The following PRKG1 variants were observed in gnomAD, a reference collection of about 807,000 sequenced individuals.
PRKG1 encodes the protein cGMP-dependent protein kinase 1.
In PRKG1, 35 loss-of-function variants were observed where a neutral mutation model predicts 88.1. The ratio of observed to expected loss-of-function variants is 0.40; its 90% CI spans 0.30 to 0.53. The LOEUF is 0.53. PRKG1 is among the 20% of genes least tolerant of loss of function. PRKG1 has a pLI of 0.59. For missense variants in PRKG1, 540 were observed against 839.8 expected (o/e 0.64, Z 4.41); for synonymous variants, 303 against 292.5 (o/e 1.04, Z -0.37).
intron 2 of PRKG1, among the ~76,000 whole-genome samples, chr10:51,261,881 A>T (rs1232777557): frequency 8.3e-6 from 1 of 120,632 alleles, no homozygotes; most frequent in Non-Finnish European, 1.7e-5. Flanking sequence ...GGATTTTCTA[A>T]TTTTTTTTTT....
chr10:52,063,010 A>C lies in PRKG1; in HGVS notation c.935+379A>C, dbSNP rs1846273699. 9.2e-6 allele frequency: 5 copies of C among 545,746 alleles called. No individual in the cohort carries two copies. The Admixed American group carries it at 1.4e-4, about 15-fold the overall frequency. 33.8% of individuals were successfully genotyped at this position (545,746 alleles called of 1,614,324 possible). On this transcript the variant is annotated intron_variant, in intron 7 of 17. Coordinates refer to ENST00000373980, the MANE Select transcript of PRKG1 (RefSeq NM_006258.4). ...TTGAAATCCCTAAACCTGTTTGTAC[A>C]AACAATTGTTATGGGGTCTTTGGGG...
chr10:51,377,502 C>T (rs1842840873), intron 2 of PRKG1, among the ~76,000 whole-genome samples: 1 of 152,150 alleles, frequency 6.6e-6, no homozygotes, highest in Non-Finnish European at 1.5e-5. Context: ...GTAGCCTGGG[C>T]TCTGCTAGCA....
intron 2 of PRKG1, among the ~76,000 whole-genome samples, chr10:51,323,340 A>G (rs1336377864): frequency 1.3e-5 from 2 of 152,224 alleles, no homozygotes; most frequent in Non-Finnish European, 2.9e-5. Context: ...TTTTGTTTCA[A>G]ATAGCACTAG....
chr10:52,110,160 A>G (rs999405723), intron 7 of PRKG1, among the ~76,000 whole-genome samples: 1 of 151,844 alleles, frequency 6.6e-6, no homozygotes, highest in Non-Finnish European at 1.5e-5. Flanking sequence ...CATCCTGGCT[A>G]ACATGGTGAA....
chr10:52,128,656 G>C (rs1246856939), intron 7 of PRKG1: 1 of 824,638 alleles, frequency 1.2e-6, no homozygotes, highest in East Asian at 1.2e-4. Flanking sequence ...CTTAAAAAGA[G>C]GCCACTACTA....
At chr10:52,005,997 T>C (rs1349469645) in intron 5 of PRKG1, among the ~76,000 whole-genome samples, 2 of 150,330 alleles carry the variant, frequency 1.3e-5, no homozygotes, top group African/African-American at 2.5e-5. Flanking sequence ...TAAGACACAG[T>C]AGCAAACTAG....
At chr10:51,588,257 A>T (rs1448635400) in intron 3 of PRKG1, among the ~76,000 whole-genome samples, 1 of 152,204 alleles carries the variant, frequency 6.6e-6, no homozygotes, top group African/African-American at 2.4e-5. Flanking sequence ...TACATCTTGG[A>T]AAACACTATC....
In PRKG1 at chr10:52,058,305, A is replaced by G. The variant is rs953097916; in HGVS notation, c.840+3744A>G. ...ACATTATAGAACTGGATATTTTACT[A>G]TAAATGAATATTGAAAAAGCCATAT... On this transcript the variant is annotated intron_variant, in intron 6 of 17. Transcript: ENST00000373980. 4.3e-4 allele frequency among the ~76,000 whole-genome samples: 66 copies of G among 152,212 alleles called. 1 individual carries two copies. The highest frequency in any genetic ancestry group is 3.4e-3 in the Middle Eastern group (1 of 294).
At chr10:52,221,073 G>T (rs1840233269) in intron 9 of PRKG1, among the ~76,000 whole-genome samples, 1 of 149,146 alleles carries the variant, frequency 6.7e-6, no homozygotes, top group Non-Finnish European at 1.5e-5. Flanking sequence ...TTATTTTTTT[G>T]ACTTTTTAAA....
chr10:51,191,405 G>T (rs192057200), intron 2 of PRKG1, among the ~76,000 whole-genome samples: 4 of 151,918 alleles, frequency 2.6e-5, no homozygotes, highest in Non-Finnish European at 5.9e-5. Flanking sequence ...TGCTTACCTT[G>T]TAGGTTTGTG....
intron 7 of PRKG1, among the ~76,000 whole-genome samples, chr10:52,131,844 A>AAAAAAAAAAAAAAAC (rs764532999): frequency 1.0e-4 from 12 of 117,256 alleles, no homozygotes; most frequent in Non-Finnish European, 2.0e-4. Flanking sequence ...AAAAAAAAAA[A>AAAAAAAAAAAAAAAC]AAGAGGCCAG....
intron 3 of PRKG1, among the ~76,000 whole-genome samples, chr10:51,737,280 GA>G (rs1203569233): frequency 1.3e-5 from 2 of 152,102 alleles, no homozygotes; most frequent in Non-Finnish European, 2.9e-5. Flanking sequence ...ATGCCCACTA[GA>G]CACTGATGTA....
intron 4 of PRKG1, among the ~76,000 whole-genome samples, chr10:51,880,784 A>G (rs1341811271): frequency 6.6e-6 from 1 of 152,178 alleles, no homozygotes; most frequent in Admixed American, 6.5e-5. Flanking sequence ...GAGGCAAGAG[A>G]CACAGTTTTG....
At chr10:52,219,970 TC>T (rs1840202017) in intron 9 of PRKG1, among the ~76,000 whole-genome samples, 1 of 151,522 alleles carries the variant, frequency 6.6e-6, no homozygotes, top group African/African-American at 2.4e-5. Context: ...TCTGTGAACA[TC>T]ATATTTGCCT....
intron 17 of PRKG1, among the ~76,000 whole-genome samples, chr10:52,292,607 G>A (rs1457282983): frequency 6.6e-6 from 1 of 151,992 alleles, no homozygotes; most frequent in Non-Finnish European, 1.5e-5. Flanking sequence ...GCTCTGTTCT[G>A]TTCCATTGAT....
rs1312460543 is a variant in PRKG1, at chr10:51,954,463, TA to T, written c.762+46899del. 1.3e-4 allele frequency among the ~76,000 whole-genome samples: 20 copies of T among 152,314 alleles called. 1 individual carries two copies. In the East Asian group the frequency reaches 3.9e-3, roughly 29 times the overall value. On this transcript the variant is annotated intron_variant, in intron 5 of 17. Coordinates refer to ENST00000373980, the MANE Select transcript of PRKG1 (RefSeq NM_006258.4). ...TGCTTTGAAAGATGAATGTGTATAA[TA>T]AAAAATTTGTACTTTCCTATAAGAA...
chr10:51,060,719 C>T (rs1338176607), intron 1 of PRKG1, among the ~76,000 whole-genome samples: 1 of 152,022 alleles, frequency 6.6e-6, no homozygotes, highest in African/African-American at 2.4e-5. Flanking sequence ...AATCTTTGTG[C>T]TTTCATGTGG....
At chr10:51,855,318 C>G (rs774513761) in intron 4 of PRKG1, among the ~76,000 whole-genome samples, 1 of 152,122 alleles carries the variant, frequency 6.6e-6, no homozygotes, top group African/African-American at 2.4e-5. Flanking sequence ...ATCTGATTTT[C>G]TATTCTAGAG....
At chr10:51,835,175 G>C (rs1360735269) in intron 4 of PRKG1, among the ~76,000 whole-genome samples, 2 of 152,202 alleles carry the variant, frequency 1.3e-5, no homozygotes, top group African/African-American at 4.8e-5. Context: ...TGTCCCCAGA[G>C]AGGGGACAAT....
Sources: allele counts gnomAD v4.1 joint callset (sites outside exome capture counted in the v4.1 genomes callset), GRCh38; gene constraint gnomAD v4.1.1; transcripts MANE v1.5; gene names NCBI Gene and HGNC (gene_info 2026-07-23, HGNC 2026-07-21).